Variants in ADAMTSL1 observed in about 807,000 individuals in gnomAD.
ADAMTSL1 encodes the protein ADAMTS like 1, also known as ADAMTS-like protein 1.
A neutral mutation model predicts 201.8 loss-of-function variants in ADAMTSL1; 126 were observed. That is an observed-to-expected ratio of 0.62 (90% CI 0.54 to 0.72). The LOEUF (loss-of-function observed/expected upper bound fraction) is 0.72, where lower values mean the gene tolerates loss of function less well. Among genes scored for constraint, ADAMTSL1 ranks in the 30% least tolerant of loss-of-function variants. The pLI is 0.00. For missense variants in ADAMTSL1, 2,679 were observed against 2,277.8 expected (o/e 1.18, Z -3.59); for synonymous variants, 1,121 against 903.4 (o/e 1.24, Z -4.32).
At chr9:18,322,969 A>C (rs1251651784) in intron 2 of ADAMTSL1, among the ~76,000 whole-genome samples, 1 of 152,204 alleles carries the variant, frequency 6.6e-6, no homozygotes, top group African/African-American at 2.4e-5. Context: ...CATTTAAGGA[A>C]GAGCTAATAC....
intron 1 of ADAMTSL1, among the ~76,000 whole-genome samples, chr9:17,986,271 C>G (rs759841691): frequency 6.6e-6 from 1 of 151,996 alleles, no homozygotes; most frequent in Admixed American, 6.6e-5. Flanking sequence ...TCTTTAACAG[C>G]CTTTCTGCAA....
intron 2 of ADAMTSL1, among the ~76,000 whole-genome samples, chr9:18,202,854 G>C (rs1587300300): frequency 6.6e-6 from 1 of 152,078 alleles, no homozygotes; most frequent in Non-Finnish European, 1.5e-5. Flanking sequence ...AGATGGATAA[G>C]AGAAATAAAC....
chr9:18,480,932 C>G (rs1446560599), intron 1 of ADAMTSL1, among the ~76,000 whole-genome samples: 1 of 152,094 alleles, frequency 6.6e-6, no homozygotes, highest in Non-Finnish European at 1.5e-5. Flanking sequence ...TGTGGTGAAA[C>G]AGTTGAAATC....
intron 3 of ADAMTSL1, among the ~76,000 whole-genome samples, chr9:18,568,056 C>G (rs1418839066): frequency 6.6e-6 from 1 of 152,110 alleles, no homozygotes; most frequent in Non-Finnish European, 1.5e-5. Flanking sequence ...TCTTATTGTA[C>G]TGTGCTCACC....
chr9:17,977,307 T>TA (rs1818494380), intron 1 of ADAMTSL1, among the ~76,000 whole-genome samples: 1 of 152,250 alleles, frequency 6.6e-6, no homozygotes, highest in African/African-American at 2.4e-5. Context: ...TGTCCTTGCC[T>TA]AGCTTTGGTA....
chr9:18,648,317 C>CT (rs1490024951), intron 7 of ADAMTSL1, among the ~76,000 whole-genome samples: 1 of 149,004 alleles, frequency 6.7e-6, no homozygotes, highest in Non-Finnish European at 1.5e-5. Context: ...ATACAGCACA[C>CT]TGATGGGTCT....
chr9:18,775,405 A>T (rs1452721109), intron 17 of ADAMTSL1, among the ~76,000 whole-genome samples: 3 of 152,366 alleles, frequency 2.0e-5, no homozygotes, highest in Admixed American at 2.0e-4. Flanking sequence ...ACTAAGCATA[A>T]GTGGAAACAG....
chr9:18,334,363 A>G (rs1299139999), intron 2 of ADAMTSL1, among the ~76,000 whole-genome samples: 1 of 152,186 alleles, frequency 6.6e-6, no homozygotes, highest in Non-Finnish European at 1.5e-5. Flanking sequence ...GCTTGTGCAT[A>G]TACACGTGTG....
intron 2 of ADAMTSL1, among the ~76,000 whole-genome samples, chr9:18,329,151 G>A (rs1363660250): frequency 6.6e-6 from 1 of 152,076 alleles, no homozygotes. Context: ...ACCACAGAGA[G>A]CTCCTTTGCC....
At chr9:18,483,014 A>G (rs1174707504) in intron 1 of ADAMTSL1, among the ~76,000 whole-genome samples, 1 of 152,194 alleles carries the variant, frequency 6.6e-6, no homozygotes, top group Non-Finnish European at 1.5e-5. Context: ...GTTAATTGGC[A>G]TTTAAATTCC....
chr9:18,279,139 C>T (rs1832692580), intron 2 of ADAMTSL1, among the ~76,000 whole-genome samples: 1 of 152,120 alleles, frequency 6.6e-6, no homozygotes. Flanking sequence ...AGGATGTTTA[C>T]AGTTGTCCCT....
chr9:18,523,208 T>A (rs1587451046), intron 2 of ADAMTSL1, among the ~76,000 whole-genome samples: 1 of 152,256 alleles, frequency 6.6e-6, no homozygotes, highest in African/African-American at 2.4e-5. Context: ...TGAGCATTTT[T>A]TCATGTGTCT....
chr9:18,104,275 C>T (rs1445603011), intron 1 of ADAMTSL1, among the ~76,000 whole-genome samples: 1 of 152,116 alleles, frequency 6.6e-6, no homozygotes, highest in Non-Finnish European at 1.5e-5. Flanking sequence ...GTCGCAATCC[C>T]GTTTTTCCCT....
intron 23 of ADAMTSL1, among the ~76,000 whole-genome samples, chr9:18,838,497 T>G (rs1390214892): frequency 6.6e-6 from 1 of 151,060 alleles, no homozygotes. Flanking sequence ...TTAGATAGCC[T>G]CAGGTGGCTC....
intron 2 of ADAMTSL1, among the ~76,000 whole-genome samples, chr9:18,411,357 G>C (rs1818435635): frequency 6.6e-6 from 1 of 151,518 alleles, no homozygotes; most frequent in Non-Finnish European, 1.5e-5. Context: ...GTGCCACCAT[G>C]CCTGGCTAAT....
At chr9:18,174,234 T>A (rs997214641) in intron 2 of ADAMTSL1, among the ~76,000 whole-genome samples, 1 of 152,138 alleles carries the variant, frequency 6.6e-6, no homozygotes, top group African/African-American at 2.4e-5. Context: ...CCCTTAGTTG[T>A]TTGTAAGGTA....
chr9:18,297,656 G>C (rs185521103), intron 2 of ADAMTSL1, among the ~76,000 whole-genome samples: 226 of 152,312 alleles, frequency 1.5e-3, no homozygotes, highest in African/African-American at 4.6e-3. Context: ...TCTGTCTTTC[G>C]CTGCTGGTTA....
chr9:18,174,295 G>T (rs1828039655), intron 2 of ADAMTSL1, among the ~76,000 whole-genome samples: 1 of 152,088 alleles, frequency 6.6e-6, no homozygotes, highest in African/African-American at 2.4e-5. Context: ...ATCCTAAATA[G>T]ACCATGTCTG....
At chr9:18,773,757 T>A (rs183164985) in intron 17 of ADAMTSL1, among the ~76,000 whole-genome samples, 1 of 152,342 alleles carries the variant, frequency 6.6e-6, no homozygotes, top group Admixed American at 6.5e-5. Context: ...TAACCCAGTC[T>A]TCTGACCTGA....
Sources: allele counts gnomAD v4.1 joint callset (sites outside exome capture counted in the v4.1 genomes callset), GRCh38; gene constraint gnomAD v4.1.1; transcripts MANE v1.5; gene names NCBI Gene and HGNC (gene_info 2026-07-23, HGNC 2026-07-21).